UVRAG: variants seen among roughly 807,000 people sequenced by gnomAD.
UVRAG encodes the protein UV radiation resistance-associated gene protein.
UVRAG carries 19 observed loss-of-function variants against 78.0 expected under a neutral mutation model. The ratio of observed to expected loss-of-function variants is 0.24; its 90% CI spans 0.17 to 0.36. The LOEUF (loss-of-function observed/expected upper bound fraction) is 0.36, where lower values mean the gene tolerates loss of function less well. UVRAG is among the 10% of genes least tolerant of loss of function. UVRAG has a pLI of 1.00. For missense variants in UVRAG, 740 were observed against 853.8 expected (o/e 0.87, Z 1.66); for synonymous variants, 323 against 324.6 (o/e 1.00, Z 0.05).
At chr11:76,068,649 G>T (rs748489661) in intron 13 of UVRAG, among the ~76,000 whole-genome samples, 3 of 152,024 alleles carry the variant, frequency 2.0e-5, no homozygotes, top group Non-Finnish European at 4.4e-5. Flanking sequence ...TTTTGCTTCA[G>T]CTCTGTCTGT....
intron 8 of UVRAG, among the ~76,000 whole-genome samples, chr11:75,990,749 A>G (rs748557457): frequency 6.6e-6 from 1 of 152,160 alleles, no homozygotes; most frequent in Non-Finnish European, 1.5e-5. Context: ...GTGTGTTTCC[A>G]TAGCACCCTA....
intron 3 of UVRAG, among the ~76,000 whole-genome samples, chr11:75,869,687 G>T (rs942247879): frequency 1.3e-5 from 2 of 152,212 alleles, no homozygotes; most frequent in Non-Finnish European, 2.9e-5. Context: ...GTTAGGAAAG[G>T]TTTCTAACAA....
intron 6 of UVRAG, among the ~76,000 whole-genome samples, chr11:75,927,630 A>C (rs959180759): frequency 1.3e-5 from 2 of 152,222 alleles, no homozygotes; most frequent in Non-Finnish European, 2.9e-5. Context: ...GTTGGTAGAT[A>C]CTGAGGATGG....
intron 5 of UVRAG, among the ~76,000 whole-genome samples, chr11:75,895,352 T>G (rs757652096): frequency 2.6e-5 from 4 of 152,020 alleles, no homozygotes; most frequent in Admixed American, 6.5e-5. Context: ...AACTTTTCCC[T>G]CTTTGTTTAT....
chr11:75,849,077 G>A (rs111273292), intron 1 of UVRAG, among the ~76,000 whole-genome samples: 11 of 151,984 alleles, frequency 7.2e-5, no homozygotes, highest in Non-Finnish European at 1.3e-4. Context: ...ACTTGGGAGC[G>A]TGAGACAGGA....
intron 13 of UVRAG, among the ~76,000 whole-genome samples, chr11:76,077,660 A>G (rs1476858693): frequency 1.3e-5 from 2 of 152,212 alleles, no homozygotes; most frequent in Non-Finnish European, 2.9e-5. Flanking sequence ...AGATAAACTG[A>G]GCCTCTGAAG....
chr11:75,975,772 A>G (rs553354387), intron 7 of UVRAG, among the ~76,000 whole-genome samples: 21 of 152,306 alleles, frequency 1.4e-4, no homozygotes, highest in Non-Finnish European at 2.2e-4. Context: ...TTGGGCTGAG[A>G]TGATGGGGTT....
intron 3 of UVRAG, among the ~76,000 whole-genome samples, chr11:75,867,301 C>T (rs369105853): frequency 1.4e-4 from 21 of 152,292 alleles, no homozygotes; most frequent in African/African-American, 4.3e-4. Context: ...TCTTAAAAAG[C>T]CCTCTCCTCC....
chr11:75,853,533 G>A (rs913076597), intron 2 of UVRAG, among the ~76,000 whole-genome samples: 1 of 151,788 alleles, frequency 6.6e-6, no homozygotes, highest in African/African-American at 2.4e-5. Context: ...GCTAACTTTT[G>A]TATTTTTGGT....
At chr11:75,999,190 A>G in intron 8 of UVRAG, among the ~76,000 whole-genome samples, 1 of 149,244 alleles carries the variant, frequency 6.7e-6, no homozygotes, top group East Asian at 2.0e-4. Flanking sequence ...CTGAGATAGC[A>G]CCACTACACT....
intron 13 of UVRAG, among the ~76,000 whole-genome samples, chr11:76,108,395 C>T (rs186394927): frequency 2.6e-5 from 4 of 152,306 alleles, no homozygotes; most frequent in Non-Finnish European, 5.9e-5. Context: ...ATTTATTTCT[C>T]AGCAGTAAAA....
At chr11:75,836,679 T>A (rs1413163572) in intron 1 of UVRAG, among the ~76,000 whole-genome samples, 1 of 152,208 alleles carries the variant, frequency 6.6e-6, no homozygotes, top group African/African-American at 2.4e-5. Context: ...ATGTATCAAC[T>A]TCCTCTTCTG....
At chr11:75,946,650 T>A (rs1948594188) in intron 6 of UVRAG, among the ~76,000 whole-genome samples, 1 of 152,176 alleles carries the variant, frequency 6.6e-6, no homozygotes, top group Non-Finnish European at 1.5e-5. Flanking sequence ...CACTTCCTTG[T>A]GGTTTATAGG....
At chr11:75,970,468 C>T (rs1245543822) in intron 7 of UVRAG, among the ~76,000 whole-genome samples, 2 of 152,148 alleles carry the variant, frequency 1.3e-5, no homozygotes, top group Admixed American at 6.5e-5. Flanking sequence ...CATGATGGCT[C>T]ATGCCTGTAA....
intron 6 of UVRAG, among the ~76,000 whole-genome samples, chr11:75,956,798 T>A (rs1948807760): frequency 6.6e-6 from 1 of 152,198 alleles, no homozygotes; most frequent in Admixed American, 6.5e-5. Flanking sequence ...AAATGGCACC[T>A]CATTATGATT....
At chr11:75,894,936 A>G (rs186027747) in intron 5 of UVRAG, among the ~76,000 whole-genome samples, 137 of 152,290 alleles carry the variant, frequency 9.0e-4, no homozygotes, top group Middle Eastern at 3.4e-3. Context: ...ATAAAAAGAA[A>G]CATGTAGTGT....
intron 13 of UVRAG, among the ~76,000 whole-genome samples, chr11:76,077,914 G>T (rs1321464623): frequency 3.3e-5 from 5 of 152,116 alleles, no homozygotes; most frequent in Non-Finnish European, 7.4e-5. Flanking sequence ...TGTTTTAAAA[G>T]ATTCACTTTA....
chr11:76,133,146 G>A lies in UVRAG; in HGVS notation c.1398-7565G>A, dbSNP rs545549699. Among the ~76,000 whole-genome samples the A allele has an allele frequency of 3.9e-5, 6 of 152,224 alleles. No homozygotes were observed. The South Asian group carries it at 6.2e-4, about 16-fold the overall frequency. ...TAGCGCTTTATAAATTTTAGTTGCC[G>A]TTTTATTATTATTAATAATTTATTG... On this transcript the variant is annotated intron_variant, in intron 14 of 14. Transcript: ENST00000356136.
At chr11:75,902,769 C>G (rs779118585) in intron 5 of UVRAG, among the ~76,000 whole-genome samples, 13 of 152,072 alleles carry the variant, frequency 8.5e-5, no homozygotes, top group South Asian at 2.1e-4. Context: ...CTACTTTTCC[C>G]TCTCCATTGA....
Sources: gnomAD v4.1 joint callset for allele counts (sites outside exome capture counted in the v4.1 genomes callset) on GRCh38, gnomAD v4.1.1 for gene constraint, MANE v1.5 for transcripts, NCBI Gene and HGNC (gene_info 2026-07-23, HGNC 2026-07-21) for gene names.